SPSB1: variants seen among roughly 807,000 people sequenced by gnomAD.
SPSB1 encodes the protein SPRY domain-containing SOCS box protein 1.
In SPSB1, 8 loss-of-function variants were observed where a neutral mutation model predicts 21.2. The observed-to-expected ratio is 0.38, with a 90% CI of 0.22 to 0.68. SPSB1 has a LOEUF of 0.68. SPSB1 is among the 30% of genes least tolerant of loss of function. SPSB1 has a pLI of 0.53. For missense variants in SPSB1, 242 were observed against 377.8 expected, an observed-to-expected ratio of 0.64 and a Z score of 2.98; for synonymous variants, 169 against 161.7, an observed-to-expected ratio of 1.05 and a Z score of -0.34.
At chr1:9,313,870 C>T (rs541569234) in intron 1 of SPSB1, among the ~76,000 whole-genome samples, 45 of 152,228 alleles carry the variant, frequency 3.0e-4, no homozygotes, top group African/African-American at 1.0e-3. Flanking sequence ...CCTGCTTTTC[C>T]CTATAGGAGT....
intron 2 of SPSB1, among the ~76,000 whole-genome samples, chr1:9,359,182 C>T (rs985763436): frequency 6.6e-6 from 1 of 152,212 alleles, no homozygotes; most frequent in South Asian, 2.1e-4. Flanking sequence ...CCTGGTCAGA[C>T]ATGAATGGGC....
intron 2 of SPSB1, among the ~76,000 whole-genome samples, chr1:9,365,259 C>T (rs1207566474): frequency 2.6e-5 from 4 of 152,288 alleles, no homozygotes; most frequent in East Asian, 3.9e-4. Flanking sequence ...CCGATCCTCT[C>T]GCCTCAGTCT....
chr1:9,359,415 G>C (rs903953101), intron 2 of SPSB1, among the ~76,000 whole-genome samples: 1 of 152,152 alleles, frequency 6.6e-6, no homozygotes, highest in Non-Finnish European at 1.5e-5. Flanking sequence ...TAGGAGTGTC[G>C]TTCTGCGGCT....
chr1:9,320,213 C>T (rs1027180167), intron 1 of SPSB1, among the ~76,000 whole-genome samples: 4 of 152,240 alleles, frequency 2.6e-5, no homozygotes, highest in Non-Finnish European at 4.4e-5. Flanking sequence ...TTGCGGAGCA[C>T]CCACTGTGTG....
chr1:9,368,853 G>A lies in SPSB1; in HGVS notation c.*1278G>A, dbSNP rs1038263322. On this transcript the variant is annotated 3_prime_UTR_variant, in exon 3 of 3. Coordinates refer to ENST00000328089, the MANE Select transcript of SPSB1 (RefSeq NM_025106.4). ...CCCAACCCCTCTCAGAGCCTCAAGA[G>A]GGGTAGCTCGGCTGCCGGAAGAGAG... 7 of 152,362 alleles carry A rather than the reference G, an allele frequency of 4.6e-5. No individual in the cohort carries two copies. Among genetic ancestry groups the A allele is most frequent in the African/African-American group, 1.7e-4 (7 of 41,372 alleles). 9.4% of individuals were successfully genotyped at this position (152,362 alleles called of 1,614,324 possible).
At position 9,367,539 on chromosome 1, in the gene SPSB1, G is replaced by A. The variant is rs773908512; in HGVS notation, c.786G>A (p.Leu262=). Residue 262 remains leucine (L), a synonymous_variant, in exon 3 of 3, where the codon CTG becomes CTA. Transcript: ENST00000328089. The surrounding 1 kb of genome is among the most constrained non-coding windows in gnomAD (Gnocchi z 5.9). ...ERLGEIHTLP[L]PASLKAYLLY... Reference sequence around the variant, plus strand: ...TGGGGGAGATCCACACGCTGCCGCTGCCGGCTTCCCTCAAGGCCTACCTCC... The same window carrying A: ...TGGGGGAGATCCACACGCTGCCGCTACCGGCTTCCCTCAAGGCCTACCTCC... The A allele has an allele frequency of 4.3e-6, 7 of 1,612,770 alleles. No homozygotes were observed. In the South Asian group the frequency reaches 4.4e-5, roughly 10 times the overall value.
chr1:9,306,927 CTTCT>C (rs1639422559), intron 1 of SPSB1, among the ~76,000 whole-genome samples: 47 of 32,728 alleles, frequency 1.4e-3, no homozygotes, highest in Middle Eastern at 0.015. Flanking sequence ...TTCTTCTTTT[CTTCT>C]TTTTTTTTTT....
chr1:9,294,174 CTGT>C (rs1489653616), intron 1 of SPSB1, among the ~76,000 whole-genome samples: 35 of 102,882 alleles, frequency 3.4e-4, no homozygotes, highest in African/African-American at 8.8e-4. Context: ...CTCTGAGTGT[CTGT>C]CTCTGCAAAT....
In SPSB1 at chr1:9,355,936, G is replaced by A. The variant is rs971896678; in HGVS notation, c.45G>A (p.Arg15=). The part of the protein sequence containing the change: ...VTGGIKTVDM[R]DPTYRPLKQE... ...GAGGGATCAAGACTGTGGACATGAG[G>A]GACCCCACGTACAGGCCCCTGAAGC... Residue 15 remains arginine (R), a synonymous_variant, in exon 2 of 3, where the codon AGG becomes AGA. Transcript: ENST00000328089. The A allele has an allele frequency of 4.2e-5, 67 of 1,608,922 alleles. 1 individual carries two copies. The highest frequency in any genetic ancestry group is 5.7e-5 in the Non-Finnish European group (67 of 1,177,096).
chr1:9,333,361 C>T (rs1032500450), intron 1 of SPSB1, among the ~76,000 whole-genome samples: 5 of 145,604 alleles, frequency 3.4e-5, no homozygotes, highest in African/African-American at 1.3e-4. Flanking sequence ...GGCAGAGTCT[C>T]ACTCTGTTGC....
chr1:9,345,543 C>T lies in SPSB1; in HGVS notation c.-149-10200C>T, dbSNP rs1051059842. Among the ~76,000 whole-genome samples the T allele has an allele frequency of 1.7e-4, 26 of 152,156 alleles. No individual in the cohort carries two copies. Among genetic ancestry groups the T allele is most frequent in the African/African-American group, 5.8e-4 (24 of 41,444 alleles). On this transcript the variant is annotated intron_variant, in intron 1 of 2. Transcript: ENST00000328089. This position sits in a 1 kb window ranked among gnomAD's most constrained non-coding sequence, Gnocchi z 4.8. Reference sequence around the variant, plus strand: ...TGGGGTCCCTCAAGAACTGGCTTCTCGTCTGCATCAGGCACAGTCCGTTGT... The same window carrying T: ...TGGGGTCCCTCAAGAACTGGCTTCTTGTCTGCATCAGGCACAGTCCGTTGT...
chr1:9,293,761 G>A lies in SPSB1; in HGVS notation c.-150+690G>A, dbSNP rs2100453481. On this transcript the variant is annotated intron_variant, in intron 1 of 2. Coordinates refer to ENST00000328089, the MANE Select transcript of SPSB1 (RefSeq NM_025106.4). The surrounding 1 kb of genome is among the most constrained non-coding windows in gnomAD (Gnocchi z 5.1). The stretch of plus-strand genomic sequence containing the variant: ...GGGTCACCGTCCCCGGGCGTGTACT[G>A]GGCTCGGTGGCGTCCAGGTTCCGGT... 6.6e-6 allele frequency among the ~76,000 whole-genome samples: 1 copy of A among 152,208 alleles called. No homozygotes were observed. The highest frequency in any genetic ancestry group is 1.9e-4 in the East Asian group (1 of 5,174).
At chr1:9,335,567 G>A (rs554140477) in intron 1 of SPSB1, among the ~76,000 whole-genome samples, 35 of 151,984 alleles carry the variant, frequency 2.3e-4, no homozygotes, top group Non-Finnish European at 4.3e-4. Context: ...CCAGCACTTC[G>A]GGATTCCAAG....
At chr1:9,296,784 T>C (rs1298923495) in intron 1 of SPSB1, among the ~76,000 whole-genome samples, 1 of 152,242 alleles carries the variant, frequency 6.6e-6, no homozygotes, top group African/African-American at 2.4e-5. Flanking sequence ...CCTTTCTGAC[T>C]TGGGCTTGAG....
intron 1 of SPSB1, among the ~76,000 whole-genome samples, chr1:9,322,134 T>A (rs1474923993): frequency 6.6e-6 from 1 of 152,070 alleles, no homozygotes. Context: ...AGGACTTAGC[T>A]CCTGGTGGTC....
At chr1:9,344,267 T>C (rs1254271435) in intron 1 of SPSB1, among the ~76,000 whole-genome samples, 15 of 152,160 alleles carry the variant, frequency 9.9e-5, no homozygotes, top group Admixed American at 9.8e-4. Context: ...GAGTTTCTGA[T>C]TCAGAAAGTC....
rs1291944643 is a variant in SPSB1 at position 9,345,424 on chromosome 1, C to T, written c.-149-10319C>T. On this transcript the variant is annotated intron_variant, in intron 1 of 2. Transcript: ENST00000328089. This position sits in a 1 kb window ranked among gnomAD's most constrained non-coding sequence, Gnocchi z 4.8. ...GTTACCCGCCGAGGCTAGGCAGTGTCGGTGGTCCATAGTCCACGTTTTATT... is the reference window on the plus strand; with the variant it reads ...GTTACCCGCCGAGGCTAGGCAGTGTTGGTGGTCCATAGTCCACGTTTTATT... Among the ~76,000 whole-genome samples the T allele has an allele frequency of 1.3e-5, 2 of 152,190 alleles. No individual in the cohort carries two copies. Among genetic ancestry groups the T allele is most frequent in the Non-Finnish European group, 2.9e-5 (2 of 68,032 alleles).
chr1:9,296,314 C>T (rs1045854403), intron 1 of SPSB1, among the ~76,000 whole-genome samples: 5 of 152,138 alleles, frequency 3.3e-5, no homozygotes, highest in Non-Finnish European at 7.3e-5. Flanking sequence ...GCTAAGGTCT[C>T]GCGGCAAGGG....
chr1:9,307,173 C>CT (rs1639430909), intron 1 of SPSB1, among the ~76,000 whole-genome samples: 1 of 152,118 alleles, frequency 6.6e-6, no homozygotes, highest in Non-Finnish European at 1.5e-5. Context: ...GGTGATCTGC[C>CT]CGCTTTGGCC....
Sources: gnomAD v4.1 joint callset for allele counts (sites outside exome capture counted in the v4.1 genomes callset) on GRCh38, gnomAD v4.1.1 for gene constraint, Gnocchi (gnomAD v3.1) non-coding constraint, MANE v1.5 for transcripts, NCBI Gene and HGNC (gene_info 2026-07-23, HGNC 2026-07-21) for gene names.